The following SLC22A23 variants were observed in gnomAD, a reference collection of about 807,000 sequenced individuals.
SLC22A23 encodes solute carrier family 22 member 23, also known as ion transporter protein.
A neutral mutation model predicts 61.0 loss-of-function variants in SLC22A23; 26 were observed. The ratio of observed to expected loss-of-function variants is 0.43; its 90% CI spans 0.31 to 0.59. SLC22A23 has a LOEUF of 0.59. SLC22A23 is among the 20% of genes least tolerant of loss of function. SLC22A23 has a pLI of 0.11. For synonymous variants in SLC22A23, 430 were observed against 413.9 expected, an observed-to-expected ratio of 1.04 and a Z score of -0.47; for missense variants, 796 against 934.7, an observed-to-expected ratio of 0.85 and a Z score of 1.94.
chr6:3,455,990 G>A lies in SLC22A23; in HGVS notation c.570C>T (p.Asp190=), dbSNP rs1353029482. ...GDTPPLPSPP[D]KGDNASNCDC... The stretch of plus-strand genomic sequence containing the variant: ...CACAGTTGGAGGCGTTGTCCCCCTT[G>A]TCCGGAGGGGATGGCAGGGGTGGTG... Residue 190 remains aspartate (D), a synonymous_variant, in exon 1 of 10, where the codon GAC becomes GAT. Transcript: ENST00000406686. The A allele has an allele frequency of 2.6e-6, 4 of 1,547,564 alleles. No homozygotes were observed. Among genetic ancestry groups the A allele is most frequent in the Admixed American group, 2.0e-5 (1 of 50,990 alleles).
chr6:3,306,733 C>G (rs1168602979), intron 4 of SLC22A23, among the ~76,000 whole-genome samples: 7 of 152,180 alleles, frequency 4.6e-5, no homozygotes, highest in African/African-American at 1.7e-4. Flanking sequence ...CCTCCAAGAC[C>G]TAAACCCCAG....
At chr6:3,325,889 C>T (rs916927747) in intron 3 of SLC22A23, among the ~76,000 whole-genome samples, 1 of 152,254 alleles carries the variant, frequency 6.6e-6, no homozygotes, top group African/African-American at 2.4e-5. Flanking sequence ...AATGTGGAAA[C>T]AGCATGATGG....
rs996889756 is a variant in SLC22A23, at chr6:3,329,740, T to C, written c.914-5738A>G. The stretch of plus-strand genomic sequence containing the variant: ...GCACTCGAGCGCACCTGGCTCATAC[T>C]GAAGCCACGGAAGGCTTCCTATGTG... On this transcript the variant is annotated intron_variant, in intron 3 of 9. Coordinates refer to ENST00000406686, the MANE Select transcript of SLC22A23 (RefSeq NM_015482.2). This position sits in a 1 kb window ranked among gnomAD's most constrained non-coding sequence, Gnocchi z 4.8. Among the ~76,000 whole-genome samples, 1 of 152,190 alleles carries C rather than the reference T, an allele frequency of 6.6e-6. No individual in the cohort carries two copies. Among genetic ancestry groups the C allele is most frequent in the African/African-American group, 2.4e-5 (1 of 41,438 alleles).
At chr6:3,416,000 C>A (rs1367278917) in intron 1 of SLC22A23, 145 bp from the exon 2 acceptor site, 3 of 589,342 alleles carry the variant, frequency 5.1e-6, no homozygotes, top group South Asian at 4.8e-5. Context: ...GAGTCTCTTC[C>A]ATGGTTTTGA....
chr6:3,310,953 T>G (rs1762336050), intron 4 of SLC22A23, among the ~76,000 whole-genome samples: 1 of 152,366 alleles, frequency 6.6e-6, no homozygotes, highest in Admixed American at 6.5e-5. Flanking sequence ...TTATTTGTTT[T>G]TCGAAATATT....
At chr6:3,378,657 C>CTT (rs574704294) in intron 3 of SLC22A23, among the ~76,000 whole-genome samples, 10,407 of 119,002 alleles carry the variant, frequency 0.087, 650 homozygotes, top group East Asian at 0.15. Flanking sequence ...TTTCTTTTTT[C>CTT]TTTTTTTTTT....
At chr6:3,278,830 G>A (rs1378408602) in intron 9 of SLC22A23, among the ~76,000 whole-genome samples, 1 of 152,128 alleles carries the variant, frequency 6.6e-6, no homozygotes, top group Non-Finnish European at 1.5e-5. Context: ...GCATTTTCTC[G>A]GAAACCTCCC....
Position 3,297,078 on chromosome 6 carries a change from C to T in SLC22A23, c.1210+1013G>A, listed in dbSNP as rs558333299. Among the ~76,000 whole-genome samples the T allele has an allele frequency of 1.3e-5, 2 of 152,226 alleles. No homozygotes were observed. The highest frequency in any genetic ancestry group is 6.5e-5 in the Admixed American group (1 of 15,280). Reference sequence around the variant, plus strand: ...AGCCCTGCTGTTTCATCCCTCCTGACGTATGCACGTGTAACTTCCCTGTCT... The same window carrying T: ...AGCCCTGCTGTTTCATCCCTCCTGATGTATGCACGTGTAACTTCCCTGTCT... On this transcript the variant is annotated intron_variant, in intron 5 of 9. Transcript: ENST00000406686. This position sits in a 1 kb window ranked among gnomAD's most constrained non-coding sequence, Gnocchi z 4.3.
intron 1 of SLC22A23, among the ~76,000 whole-genome samples, chr6:3,448,652 C>T (rs974156032): frequency 6.6e-6 from 1 of 152,140 alleles, no homozygotes; most frequent in Non-Finnish European, 1.5e-5. Flanking sequence ...CGCCACCACG[C>T]CCTCCTAATT....
intron 3 of SLC22A23, among the ~76,000 whole-genome samples, chr6:3,391,347 G>C (rs1767648250): frequency 6.6e-6 from 1 of 152,212 alleles, no homozygotes; most frequent in Non-Finnish European, 1.5e-5. Flanking sequence ...TGGGTCATGA[G>C]GCTTTGTGAG....
At chr6:3,402,463 G>GACA (rs1163019735) in intron 3 of SLC22A23, among the ~76,000 whole-genome samples, 1,413 of 28,668 alleles carry the variant, frequency 0.049, 3 homozygotes, top group African/African-American at 0.082. Context: ...CTCTAGCTAA[G>GACA]CCCTAATCAC....
chr6:3,305,962 C>T (rs1226856961), intron 4 of SLC22A23, among the ~76,000 whole-genome samples: 4 of 152,146 alleles, frequency 2.6e-5, no homozygotes, highest in Non-Finnish European at 5.9e-5. Context: ...TATAAAGGAA[C>T]ACTGGAGGCT....
rs1044645262 is a variant in SLC22A23, at chr6:3,410,049, C to T, written c.913+139G>A. On this transcript the variant is annotated intron_variant, in intron 3 of 9. Transcript: ENST00000406686. The surrounding 1 kb of genome is among the most constrained non-coding windows in gnomAD (Gnocchi z 5.0). ...CACCTGAAAAGCCTCTTTCACAACA[C>T]TTGAGGCCTTTAATGTTTGTGTTTC... is the stretch of plus-strand genomic sequence containing the variant. The T allele has an allele frequency of 2.1e-6, 2 of 931,812 alleles. No individual in the cohort carries two copies. Among genetic ancestry groups the T allele is most frequent in the Non-Finnish European group, 3.1e-6 (2 of 636,146 alleles). 57.7% of individuals were successfully genotyped at this position (931,812 alleles called of 1,614,324 possible).
At chr6:3,298,277 T>C (rs1761290722) in intron 4 of SLC22A23, 59 bp from the exon 5 acceptor site, 8 of 1,547,148 alleles carry the variant, frequency 5.2e-6, no homozygotes, top group African/African-American at 1.4e-5. Context: ...CACCGGGAAG[T>C]GTGGCTTAGG....
intron 4 of SLC22A23, among the ~76,000 whole-genome samples, chr6:3,310,712 T>C (rs1762325124): frequency 6.6e-6 from 1 of 152,222 alleles, no homozygotes; most frequent in Non-Finnish European, 1.5e-5. Context: ...AAATAAATTA[T>C]TCCTCTATCC....
At chr6:3,315,457 C>T (rs1762582795) in intron 4 of SLC22A23, among the ~76,000 whole-genome samples, 1 of 152,212 alleles carries the variant, frequency 6.6e-6, no homozygotes, top group Admixed American at 6.5e-5. Context: ...CCGAGATGGT[C>T]AAGCTATCTG....
At chr6:3,273,981 T>C (rs965425715) in intron 9 of SLC22A23, among the ~76,000 whole-genome samples, 8 of 152,172 alleles carry the variant, frequency 5.3e-5, no homozygotes, top group Non-Finnish European at 1.2e-4. Flanking sequence ...ATTGCTCACA[T>C]ACCACCATTG....
chr6:3,449,241 T>TC (rs896818165), intron 1 of SLC22A23, among the ~76,000 whole-genome samples: 2 of 151,932 alleles, frequency 1.3e-5, no homozygotes, highest in Non-Finnish European at 2.9e-5. Flanking sequence ...ACATAGGATT[T>TC]CCCCCCAGTC....
In SLC22A23 at chr6:3,371,663, A is replaced by C. The variant is rs568963505; in HGVS notation, c.913+38525T>G. Among the ~76,000 whole-genome samples the C allele has an allele frequency of 2.0e-5, 3 of 152,304 alleles. No individual in the cohort carries two copies. The East Asian group carries it at 5.8e-4, about 29-fold the overall frequency. The stretch of plus-strand genomic sequence containing the variant: ...AATCTTTGTCTTGTGGGTTCTAAGA[A>C]TTAGATACTGAAACACAGAAAACAC... On this transcript the variant is annotated intron_variant, in intron 3 of 9. Coordinates refer to ENST00000406686, the MANE Select transcript of SLC22A23 (RefSeq NM_015482.2).
Sources: gnomAD v4.1 joint callset for allele counts (sites outside exome capture counted in the v4.1 genomes callset) on GRCh38, gnomAD v4.1.1 for gene constraint, Gnocchi (gnomAD v3.1) non-coding constraint, MANE v1.5 for transcripts, NCBI Gene and HGNC (gene_info 2026-07-23, HGNC 2026-07-21) for gene names.